The following GPHN variants were observed in gnomAD, a reference collection of about 807,000 sequenced individuals.
The protein encoded by GPHN is gephyrin.
In GPHN, 17 loss-of-function variants were observed where a neutral mutation model predicts 95.5. The observed-to-expected ratio is 0.18, with a 90% confidence interval of 0.12 to 0.27. The LOEUF is 0.27. Ranked by LOEUF, GPHN falls within the 10% of genes least tolerant of loss-of-function variation. The pLI, the probability that GPHN is intolerant of heterozygous loss-of-function variation, is 1.00. For missense variants in GPHN, 660 were observed against 978.1 expected (o/e 0.67, Z 4.34); for synonymous variants, 320 against 322.5 (o/e 0.99, Z 0.08).
chr14:67,574,691 C>A, the GPHN span, among the ~76,000 whole-genome samples: 3 of 152,094 alleles, frequency 2.0e-5, no homozygotes, highest in African/African-American at 7.2e-5. The surrounding 1 kb of genome is among the most constrained non-coding windows in gnomAD (Gnocchi z 4.2). Flanking sequence ...GTCACCCACC[C>A]CCACCTTATA....
intron 9 of GPHN, among the ~76,000 whole-genome samples, chr14:66,982,713 A>T (rs2070757827): frequency 6.6e-6 from 1 of 152,098 alleles, no homozygotes; most frequent in Non-Finnish European, 1.5e-5. Flanking sequence ...ATCTCAATTT[A>T]CTCCACAATC....
chr14:66,866,731 G>T (rs2063235162), intron 4 of GPHN, among the ~76,000 whole-genome samples: 1 of 152,082 alleles, frequency 6.6e-6, no homozygotes, highest in Non-Finnish European at 1.5e-5. Context: ...CAAACAACCA[G>T]TTTTTACCCC....
intron 9 of GPHN, among the ~76,000 whole-genome samples, chr14:66,988,707 C>A (rs1326415242): frequency 6.6e-6 from 1 of 152,038 alleles, no homozygotes; most frequent in Non-Finnish European, 1.5e-5. Context: ...GTACATTCAT[C>A]ATATAGTCAG....
chr14:66,626,570 C>T (rs1187781547), intron 1 of GPHN, among the ~76,000 whole-genome samples: 1 of 151,942 alleles, frequency 6.6e-6, no homozygotes, highest in Non-Finnish European at 1.5e-5. Flanking sequence ...CAGCAAGAAC[C>T]AATGTATTAA....
chr14:67,504,261 A>C, the GPHN span, among the ~76,000 whole-genome samples: 1 of 143,772 alleles, frequency 7.0e-6, no homozygotes, highest in Non-Finnish European at 1.5e-5. Context: ...TGATGCGCTT[A>C]CCTCAGCCTC....
chr14:66,570,729 C>T (rs1025714409), intron 1 of GPHN, among the ~76,000 whole-genome samples: 2 of 152,156 alleles, frequency 1.3e-5, no homozygotes, highest in African/African-American at 2.4e-5. Flanking sequence ...TTCACATTCC[C>T]ACCAACAGTG....
At chr14:67,322,638 A>G in the GPHN span, among the ~76,000 whole-genome samples, 3 of 152,158 alleles carry the variant, frequency 2.0e-5, no homozygotes, top group African/African-American at 7.2e-5. Flanking sequence ...TCAATTATAA[A>G]TTTTTGATTT....
rs1182488837 is a variant in GPHN at position 67,111,938 on chromosome 14, G to A, written c.1472+19G>A. 1.3e-6 allele frequency: 2 copies of A among 1,578,880 alleles called. No homozygotes were observed. Among genetic ancestry groups the A allele is most frequent in the South Asian group, 2.2e-5 (2 of 90,318 alleles). On this transcript the variant is annotated intron_variant, in intron 15 of 22. Coordinates refer to ENST00000478722, the MANE Select transcript of GPHN (RefSeq NM_020806.5). ...ATATCAGGTAACTTCAAAACACATAGAATATATAGCCTACTTTTGTTTCTA... is the reference window on the plus strand; with the variant it reads ...ATATCAGGTAACTTCAAAACACATAAAATATATAGCCTACTTTTGTTTCTA...
At chr14:67,388,319 A>G in the GPHN span, 1 of 1,552,152 alleles carries the variant, frequency 6.4e-7, no homozygotes, top group Non-Finnish European at 8.9e-7. Context: ...AGGAAAGGAG[A>G]CCCAATTAGG....
At chr14:66,921,149 T>G (rs546047745) in intron 6 of GPHN, among the ~76,000 whole-genome samples, 1 of 152,356 alleles carries the variant, frequency 6.6e-6, no homozygotes, top group South Asian at 2.1e-4. Context: ...GTAGTTCTAC[T>G]TTTAGTTCTT....
At chr14:66,587,449 C>T (rs917550060) in intron 1 of GPHN, among the ~76,000 whole-genome samples, 44 of 152,114 alleles carry the variant, frequency 2.9e-4, no homozygotes, top group African/African-American at 1.1e-3. Flanking sequence ...AGCCAATATT[C>T]CTGATAAACA....
chr14:67,361,441 T>G, the GPHN span, among the ~76,000 whole-genome samples: 4 of 152,194 alleles, frequency 2.6e-5, no homozygotes. Flanking sequence ...TCAACTATAA[T>G]GATGAAATAA....
At position 67,047,364 on chromosome 14, in the gene GPHN, T is replaced by G. The variant is rs3036766; in HGVS notation, c.1007-11285T>G. 9.7e-3 allele frequency among the ~76,000 whole-genome samples: 466 copies of G among 47,806 alleles called. 3 individuals are homozygous for G. Among genetic ancestry groups the G allele is most frequent in the Admixed American group, 0.017 (92 of 5,356 alleles). 31.4% of individuals were successfully genotyped at this position (47,806 alleles called of 152,430 possible). A position where few individuals can be genotyped will look rare whatever the true frequency, so the allele number is the denominator to read the frequency against. On this transcript the variant is annotated intron_variant, in intron 10 of 22. Coordinates refer to ENST00000478722, the MANE Select transcript of GPHN (RefSeq NM_020806.5). ...TGTGTGTGTGTGTGTGTGTGTGTGTTTGTTTTTTTTTTTTTTTTTGAGACA... is the reference window on the plus strand; with the variant it reads ...TGTGTGTGTGTGTGTGTGTGTGTGTGTGTTTTTTTTTTTTTTTTTGAGACA...
At chr14:67,575,517 G>A in the GPHN span, 10 of 1,214,750 alleles carry the variant, frequency 8.2e-6, no homozygotes, top group African/African-American at 8.9e-5. Context: ...TGCTTCCCCC[G>A]AAGCACATGA....
chr14:67,615,529 T>C, the GPHN span: 2 of 452,214 alleles, frequency 4.4e-6, no homozygotes, highest in Admixed American at 5.2e-5. Context: ...AATGCCATCG[T>C]ATGTATTTTG....
downstream of GPHN, among the ~76,000 whole-genome samples, chr14:67,183,715 C>G (rs138730646): frequency 7.9e-5 from 12 of 151,862 alleles, no homozygotes; most frequent in African/African-American, 2.9e-4. Context: ...AGGCATGCAC[C>G]GCCAGGCCCA....
chr14:67,416,292 G>A, the GPHN span, among the ~76,000 whole-genome samples: 3 of 152,202 alleles, frequency 2.0e-5, no homozygotes, highest in African/African-American at 7.2e-5. Flanking sequence ...AGTCAAGGCT[G>A]AGCCCTGCTA....
chr14:67,246,329 A>G, the GPHN span, among the ~76,000 whole-genome samples: 3 of 151,358 alleles, frequency 2.0e-5, no homozygotes, highest in African/African-American at 7.3e-5. Context: ...GGTCTTGGCT[A>G]TGTTGCCCAG....
chr14:67,102,394 C>T (rs1299911450), intron 13 of GPHN, among the ~76,000 whole-genome samples: 1 of 152,004 alleles, frequency 6.6e-6, no homozygotes, highest in Non-Finnish European at 1.5e-5. Context: ...GGCGTGGTGG[C>T]TCATGCCTGT....
Sources: allele counts gnomAD v4.1 joint callset (sites outside exome capture counted in the v4.1 genomes callset), GRCh38; gene constraint gnomAD v4.1.1; non-coding constraint Gnocchi (gnomAD v3.1); transcripts MANE v1.5; gene names NCBI Gene and HGNC (gene_info 2026-07-23, HGNC 2026-07-21).